Variants in GALNT13 observed in about 807,000 individuals in gnomAD.
The protein encoded by GALNT13 is polypeptide N-acetylgalactosaminyltransferase 13, also known as UDP-GalNAc:polypeptide N-acetylgalactosaminyltransferase 13.
A neutral mutation model predicts 64.2 loss-of-function variants in GALNT13; 28 were observed. That is an observed-to-expected ratio of 0.44 (90% CI 0.32 to 0.60). The LOEUF (loss-of-function observed/expected upper bound fraction) is 0.60, where lower values mean the gene tolerates loss of function less well. Ranked by LOEUF, GALNT13 falls within the 20% of genes least tolerant of loss-of-function variation. The probability of loss-of-function intolerance (pLI) is 0.05; values close to 1 mark genes in which losing one functional copy is unlikely to be tolerated. For missense variants in GALNT13, 577 were observed against 669.8 expected (o/e 0.86, Z 1.53); for synonymous variants, 214 against 224.6 (o/e 0.95, Z 0.42).
At chr2:154,332,584 C>T (rs907285382) in intron 9 of GALNT13, among the ~76,000 whole-genome samples, 2 of 152,016 alleles carry the variant, frequency 1.3e-5, no homozygotes, top group Non-Finnish European at 2.9e-5. Flanking sequence ...AGTTGAGGAA[C>T]CTCTTTATAA....
chr2:154,409,256 G>C (rs2105393135), intron 11 of GALNT13, 174 bp downstream of exon 11: 1 of 603,056 alleles, frequency 1.7e-6, no homozygotes, highest in Non-Finnish European at 3.0e-6. Flanking sequence ...TTAAAGGAGA[G>C]CTGAAAAATT....
chr2:153,413,571 A>G, the GALNT13 span, among the ~76,000 whole-genome samples: 1 of 152,288 alleles, frequency 6.6e-6, no homozygotes, highest in South Asian at 2.1e-4. Flanking sequence ...TGTTTTTAGG[A>G]ATGACTGATG....
the GALNT13 span, among the ~76,000 whole-genome samples, chr2:153,676,015 C>CAGAGCTG: frequency 6.6e-6 from 1 of 151,928 alleles, no homozygotes; most frequent in Non-Finnish European, 1.5e-5. Context: ...CAACTACAAT[C>CAGAGCTG]AGAGCTGAAC....
chr2:154,278,543 G>C (rs1691782950), intron 8 of GALNT13, among the ~76,000 whole-genome samples: 1 of 152,136 alleles, frequency 6.6e-6, no homozygotes, highest in East Asian at 1.9e-4. Flanking sequence ...AAAGAGCAAG[G>C]CATTTCCTTA....
At chr2:153,876,244 C>T (rs1267433288) in intron 1 of GALNT13, among the ~76,000 whole-genome samples, 1 of 151,098 alleles carries the variant, frequency 6.6e-6, no homozygotes, top group African/African-American at 2.4e-5. Context: ...CATACACACA[C>T]AGTGGCTAAG....
In GALNT13 at chr2:154,212,896, T is replaced by C. The variant is rs550011983; in HGVS notation, c.312-29134T>C. 5.9e-5 allele frequency among the ~76,000 whole-genome samples: 9 copies of C among 152,014 alleles called. No individual in the cohort carries two copies. In the East Asian group the frequency reaches 1.7e-3, roughly 29 times the overall value. ...GATACACACATTTTATTAATCTCAA[T>C]GGTAGAAATAGAATAGGATCGATCT... is the stretch of plus-strand genomic sequence containing the variant. On this transcript the variant is annotated intron_variant, in intron 4 of 12. Transcript: ENST00000392825.
At chr2:154,281,615 T>C (rs1691965382) in intron 8 of GALNT13, among the ~76,000 whole-genome samples, 1 of 152,148 alleles carries the variant, frequency 6.6e-6, no homozygotes, top group Non-Finnish European at 1.5e-5. Context: ...TTTGAGCTGC[T>C]AGGAATGGGT....
At chr2:153,741,039 T>C in the GALNT13 span, among the ~76,000 whole-genome samples, 1 of 152,160 alleles carries the variant, frequency 6.6e-6, no homozygotes, top group African/African-American at 2.4e-5. Flanking sequence ...TACTCCATTG[T>C]TTTCTGTCAT....
At chr2:153,244,222 C>A in the GALNT13 span, among the ~76,000 whole-genome samples, 1 of 152,052 alleles carries the variant, frequency 6.6e-6, no homozygotes. Context: ...TCTTTTCTAT[C>A]ATTTTGGAGT....
At chr2:154,446,808 T>G in intron 12 of GALNT13, 1 of 1,435,120 alleles carries the variant, frequency 7.0e-7, no homozygotes, top group African/African-American at 1.4e-5. Flanking sequence ...AGCATTTTTG[T>G]TATGTTCAGT....
chr2:153,645,021 C>A, the GALNT13 span, among the ~76,000 whole-genome samples: 3 of 152,148 alleles, frequency 2.0e-5, no homozygotes, highest in Non-Finnish European at 2.9e-5. Flanking sequence ...TTTTAAAATT[C>A]ATATAAGAGA....
At chr2:153,449,444 T>A in the GALNT13 span, among the ~76,000 whole-genome samples, 1 of 152,052 alleles carries the variant, frequency 6.6e-6, no homozygotes, top group South Asian at 2.1e-4. Flanking sequence ...AGATGTTTTT[T>A]CCCCCATGCC....
At chr2:153,482,111 T>G in the GALNT13 span, among the ~76,000 whole-genome samples, 2 of 152,126 alleles carry the variant, frequency 1.3e-5, no homozygotes, top group Admixed American at 1.3e-4. Context: ...GCTCATATAT[T>G]TCACCCTTAG....
intron 3 of GALNT13, among the ~76,000 whole-genome samples, chr2:154,086,172 T>C (rs1198216713): frequency 3.4e-5 from 5 of 148,246 alleles, no homozygotes; most frequent in Admixed American, 2.0e-4. Flanking sequence ...ATATAATACA[T>C]TTACATATAA....
the GALNT13 span, among the ~76,000 whole-genome samples, chr2:153,680,781 G>C: frequency 3.3e-5 from 5 of 152,032 alleles, no homozygotes; most frequent in African/African-American, 1.2e-4. Flanking sequence ...ACTCAAGACT[G>C]TAATATTTGT....
At chr2:153,902,199 A>G (rs1034733135) in intron 2 of GALNT13, among the ~76,000 whole-genome samples, 1 of 152,116 alleles carries the variant, frequency 6.6e-6, no homozygotes, top group Non-Finnish European at 1.5e-5. Flanking sequence ...TTAAAAGATT[A>G]TTGCTCTAAA....
intron 4 of GALNT13, among the ~76,000 whole-genome samples, chr2:154,218,435 T>C (rs557664010): frequency 6.6e-6 from 1 of 152,018 alleles, no homozygotes; most frequent in Non-Finnish European, 1.5e-5. Context: ...TCACCTCCAA[T>C]CCTCCTCCAG....
At chr2:153,422,933 A>G in the GALNT13 span, among the ~76,000 whole-genome samples, 550 of 152,146 alleles carry the variant, frequency 3.6e-3, no homozygotes, top group Non-Finnish European at 5.7e-3. Flanking sequence ...GATAATTTCA[A>G]TAAACAAGGG....
At chr2:153,852,846 C>T in the GALNT13 span, among the ~76,000 whole-genome samples, 38 of 152,194 alleles carry the variant, frequency 2.5e-4, no homozygotes, top group Admixed American at 2.0e-3. Context: ...TTGTTGTATT[C>T]GGGTTCTCTT....
Sources: allele counts gnomAD v4.1 joint callset (sites outside exome capture counted in the v4.1 genomes callset), GRCh38; gene constraint gnomAD v4.1.1; transcripts MANE v1.5; gene names NCBI Gene and HGNC (gene_info 2026-07-23, HGNC 2026-07-21).